The following NAV2 variants were observed in gnomAD, a reference collection of about 807,000 sequenced individuals.
The protein encoded by NAV2 is helicase, APC down-regulated 1.
NAV2 carries 54 observed loss-of-function variants against 223.2 expected under a neutral mutation model. The observed-to-expected ratio is 0.24, with a 90% confidence interval of 0.19 to 0.30. The LOEUF (loss-of-function observed/expected upper bound fraction) is 0.30, where lower values mean the gene tolerates loss of function less well. Ranked by LOEUF, NAV2 falls within the 10% of genes least tolerant of loss-of-function variation. NAV2 has a pLI of 1.00. For missense variants in NAV2, 2,806 were observed against 3,147.5 expected (o/e 0.89, Z 2.60); for synonymous variants, 1,279 against 1,239.3 (o/e 1.03, Z -0.67).
intron 1 of NAV2, among the ~76,000 whole-genome samples, chr11:19,420,512 A>G (rs1451778756): frequency 6.6e-6 from 1 of 152,244 alleles, no homozygotes; most frequent in African/African-American, 2.4e-5. Flanking sequence ...AGTAGTATTC[A>G]TATACTCATT....
rs114571047 is a variant in NAV2 at position 19,517,528 on chromosome 11, C to T, written c.75+166501C>T. On this transcript the variant is annotated intron_variant, in intron 1 of 37. Transcript: ENST00000360655. ...CCAAACTGACACCAGTCATGCCTGT[C>T]AGGAAGTGGCCAAGTTATTTTCAGC... Among the ~76,000 whole-genome samples the T allele has an allele frequency of 8.3e-3, 1,268 of 152,326 alleles. 19 individuals carry two copies. The highest frequency in any genetic ancestry group is 0.029 in the African/African-American group (1,213 of 41,568).
rs573184067 is a variant in NAV2, at chr11:19,937,418, A to AT, written c.2034-2236dup. 8.7e-4 allele frequency among the ~76,000 whole-genome samples: 131 copies of AT among 150,784 alleles called. 1 individual carries two copies. The highest frequency in any genetic ancestry group is 6.8e-3 in the Middle Eastern group (2 of 292). On this transcript the variant is annotated intron_variant, in intron 7 of 37. Transcript: ENST00000349880. ...CCAAGGAGTAAAGGGAAGATGGGTCATTTTTTTAAAAATCACTCAGAATGA... is the reference window on the plus strand; with the variant it reads ...CCAAGGAGTAAAGGGAAGATGGGTCATTTTTTTTAAAAATCACTCAGAATGA...
At chr11:20,033,096 G>A (rs2055945246) in intron 11 of NAV2, among the ~76,000 whole-genome samples, 1 of 152,222 alleles carries the variant, frequency 6.6e-6, no homozygotes, top group African/African-American at 2.4e-5. Context: ...CACATATTTT[G>A]CAATTAGACA....
At chr11:20,011,246 A>C (rs1397537179) in intron 11 of NAV2, among the ~76,000 whole-genome samples, 2 of 152,166 alleles carry the variant, frequency 1.3e-5, no homozygotes, top group Non-Finnish European at 2.9e-5. Flanking sequence ...AAAATATTAA[A>C]TGTGATTTTC....
intron 1 of NAV2, among the ~76,000 whole-genome samples, chr11:19,539,646 G>T (rs2134513690): frequency 6.6e-6 from 1 of 152,128 alleles, no homozygotes; most frequent in Non-Finnish European, 1.5e-5. Flanking sequence ...GGAGCAAAAA[G>T]ATTGAAGGCC....
chr11:20,118,587 GA>G lies in NAV2; in HGVS notation c.*340del, dbSNP rs764042925. On this transcript the variant is annotated 3_prime_UTR_variant, in exon 38 of 38. Coordinates refer to ENST00000349880, the MANE Select transcript of NAV2 (RefSeq NM_145117.5). The stretch of plus-strand genomic sequence containing the variant: ...GTTGAAATGAAAAGAGAGACAGAGA[GA>G]AAAAAAAAAAGAGAACCCACATGAA... 6.6e-4 allele frequency: 53 copies of G among 79,802 alleles called. No homozygotes were observed. Among genetic ancestry groups the G allele is most frequent in the Middle Eastern group, 4.5e-3 (1 of 222 alleles). The allele number at this position is 79,802 out of a possible 1,614,324, so 4.9% of individuals were successfully genotyped here.
Position 19,424,560 on chromosome 11 carries a change from G to GTTTT in NAV2, c.75+73536_75+73537insTTTT, listed in dbSNP as rs552166512. ...TAGTTCAGTGTTTTTTTGTTTGTTT[G>GTTTT]TTTGTTTCGAGACGGAGTCTTGCTG... On this transcript the variant is annotated intron_variant, in intron 1 of 37. Coordinates refer to the NAV2 transcript ENST00000360655. 1.3e-3 allele frequency among the ~76,000 whole-genome samples: 198 copies of GTTTT among 152,230 alleles called. 1 individual carries two copies. The highest frequency in any genetic ancestry group is 4.4e-3 in the African/African-American group (184 of 41,560).
At chr11:19,810,139 T>C (rs1334867877) in intron 1 of NAV2, among the ~76,000 whole-genome samples, 1 of 152,224 alleles carries the variant, frequency 6.6e-6, no homozygotes, top group Non-Finnish European at 1.5e-5. Context: ...TTTGTGGCAG[T>C]ATCAATTATT....
At chr11:19,441,046 C>T (rs1851381865) in intron 1 of NAV2, among the ~76,000 whole-genome samples, 1 of 152,038 alleles carries the variant, frequency 6.6e-6, no homozygotes, top group South Asian at 2.1e-4. Context: ...AGAAGATGTA[C>T]AGGATGATGG....
intron 5 of NAV2, among the ~76,000 whole-genome samples, chr11:19,886,435 G>A (rs2040983844): frequency 6.6e-6 from 1 of 152,224 alleles, no homozygotes. Flanking sequence ...GGGAACCCAA[G>A]TTTGTCACCG....
intron 1 of NAV2, among the ~76,000 whole-genome samples, chr11:19,802,516 G>A (rs1481925729): frequency 6.6e-6 from 1 of 152,076 alleles, no homozygotes; most frequent in Non-Finnish European, 1.5e-5. Context: ...TAATGTCCAT[G>A]CTCTTAATTT....
intron 1 of NAV2, among the ~76,000 whole-genome samples, chr11:19,542,040 CAGTT>C (rs34728269): frequency 0.19 from 29,197 of 151,968 alleles, 2,895 homozygotes; most frequent in African/African-American, 0.25. Flanking sequence ...ACGGAAAAGA[CAGTT>C]AGAGTCTTAG....
chr11:19,947,325 A>G (rs1442551757), intron 9 of NAV2, among the ~76,000 whole-genome samples: 1 of 152,226 alleles, frequency 6.6e-6, no homozygotes, highest in Non-Finnish European at 1.5e-5. Context: ...GGCCACTTCC[A>G]AGATCAGAGG....
chr11:19,584,060 G>T (rs758034385), intron 1 of NAV2, among the ~76,000 whole-genome samples: 5 of 152,142 alleles, frequency 3.3e-5, no homozygotes, highest in Non-Finnish European at 5.9e-5. Flanking sequence ...TTCAGAGCCT[G>T]TTATTGGTCT....
At chr11:19,895,882 T>C (rs1162946686) in intron 6 of NAV2, among the ~76,000 whole-genome samples, 1 of 152,082 alleles carries the variant, frequency 6.6e-6, no homozygotes, top group Non-Finnish European at 1.5e-5. Flanking sequence ...CAGAGTGAAA[T>C]AACCACCCGG....
chr11:19,778,339 T>C (rs940837974), intron 1 of NAV2: 2 of 455,730 alleles, frequency 4.4e-6, no homozygotes, highest in African/African-American at 4.0e-5. Flanking sequence ...TCCTTCTCGG[T>C]AAAATGGAGC....
chr11:19,416,960 G>A (rs1411925611), intron 1 of NAV2, among the ~76,000 whole-genome samples: 2 of 152,170 alleles, frequency 1.3e-5, no homozygotes, highest in Non-Finnish European at 2.9e-5. Context: ...GTGGATTAAA[G>A]ACTTAAACGT....
chr11:19,955,675 G>A (rs2047792393), intron 10 of NAV2, among the ~76,000 whole-genome samples: 1 of 152,110 alleles, frequency 6.6e-6, no homozygotes, highest in East Asian at 1.9e-4. Flanking sequence ...GAACATTATG[G>A]GACAAATGTG....
intron 1 of NAV2, among the ~76,000 whole-genome samples, chr11:19,804,249 TACA>T (rs1711666144): frequency 1.3e-5 from 2 of 152,244 alleles, no homozygotes; most frequent in South Asian, 4.1e-4. Context: ...CATTTTCAAT[TACA>T]ACGTCACCAA....
Sources: allele counts gnomAD v4.1 joint callset (sites outside exome capture counted in the v4.1 genomes callset), GRCh38; gene constraint gnomAD v4.1.1; transcripts MANE v1.5; gene names NCBI Gene and HGNC (gene_info 2026-07-23, HGNC 2026-07-21).